Variants in PPEF2 observed in about 807,000 individuals in gnomAD.
The protein encoded by PPEF2 is serine/threonine-protein phosphatase with EF-hands 2.
In PPEF2, 84 loss-of-function variants were observed where a neutral mutation model predicts 84.7. That is an observed-to-expected ratio of 0.99 (90% confidence interval 0.83 to 1.19). The LOEUF (loss-of-function observed/expected upper bound fraction) is 1.19, where lower values mean the gene tolerates loss of function less well. PPEF2 is among the 50% of genes most tolerant of loss of function. The probability of loss-of-function intolerance (pLI) is 0.00; values close to 1 mark genes in which losing one functional copy is unlikely to be tolerated. For missense variants in PPEF2, 924 were observed against 937.5 expected, an observed-to-expected ratio of 0.99 and a Z score of 0.19; for synonymous variants, 346 against 345.2, an observed-to-expected ratio of 1.00 and a Z score of -0.03.
At chr4:75,889,599 T>C (rs1287444186) in intron 5 of PPEF2, among the ~76,000 whole-genome samples, 2 of 152,246 alleles carry the variant, frequency 1.3e-5, no homozygotes, top group Non-Finnish European at 2.9e-5. Context: ...TTATTTATTG[T>C]TCATTGTCTG....
intron 14 of PPEF2, 60 bp from the exon 15 acceptor site, chr4:75,866,412 G>T (rs1170499523): frequency 2.7e-5 from 43 of 1,579,420 alleles, no homozygotes; most frequent in Non-Finnish European, 3.7e-5. Context: ...CTGCCCAATG[G>T]TGTGTATATT....
intron 2 of PPEF2, among the ~76,000 whole-genome samples, chr4:75,892,663 A>AC (rs1363420250): frequency 6.6e-6 from 1 of 152,126 alleles, no homozygotes; most frequent in African/African-American, 2.4e-5. Context: ...GACAGCACTG[A>AC]CCATGCAGTC....
chr4:75,879,272 A>G (rs4288032), intron 10 of PPEF2, among the ~76,000 whole-genome samples: 17,681 of 152,198 alleles, frequency 0.12, 3,102 homozygotes, highest in African/African-American at 0.38. Context: ...AGGATTTTAT[A>G]TTAAGGTCTA....
At chr4:75,862,332 A>G (rs1724026058) in intron 16 of PPEF2, among the ~76,000 whole-genome samples, 1 of 150,268 alleles carries the variant, frequency 6.7e-6, no homozygotes, top group Admixed American at 6.6e-5. Flanking sequence ...ACTTTCGGGC[A>G]TCAAAGGACA....
Position 75,888,311 on chromosome 4 carries a change from G to C in PPEF2, c.435C>G (p.Tyr145Ter), listed in dbSNP as rs879136628. The C allele has an allele frequency of 1.2e-6, 2 of 1,613,490 alleles. No homozygotes were observed. Among genetic ancestry groups the C allele is most frequent in the Non-Finnish European group, 1.7e-6 (2 of 1,179,624 alleles). Residue 145 changes from tyrosine (Y) to a stop codon, truncating the protein, a stop_gained, in exon 6 of 17, where the codon TAC (tyrosine) becomes TAG (stop). Transcript: ENST00000286719. LOFTEE classifies it high-confidence loss of function. ...FRLKQQLHARYVLNLLYETKK... is the reference protein window; with the variant it reads ...FRLKQQLHAR ...TGGTTTCATACAAAAGGTTCAAGAC[G>C]TAGCGAGCATGGAGCTGCTACTGGG...
At chr4:75,869,454 C>G (rs1724214099) in intron 13 of PPEF2, among the ~76,000 whole-genome samples, 1 of 152,166 alleles carries the variant, frequency 6.6e-6, no homozygotes, top group Admixed American at 6.5e-5. Flanking sequence ...GGCCAGATAC[C>G]TATCTGGCTA....
intron 7 of PPEF2, among the ~76,000 whole-genome samples, chr4:75,886,106 G>A (rs2149224121): frequency 6.6e-6 from 1 of 152,298 alleles, no homozygotes; most frequent in East Asian, 1.9e-4. Flanking sequence ...CAACCCGCAG[G>A]TTCAGACATT....
chr4:75,901,428 G>A (rs1397979897), intron 1 of PPEF2, among the ~76,000 whole-genome samples: 1 of 151,948 alleles, frequency 6.6e-6, no homozygotes, highest in Non-Finnish European at 1.5e-5. Flanking sequence ...GGCTGAGGCA[G>A]GAGAATCGCT....
chr4:75,884,566 A>T (rs111856300), intron 8 of PPEF2, 28 bp downstream of exon 8: 22 of 1,537,620 alleles, frequency 1.4e-5, no homozygotes, highest in Middle Eastern at 4.6e-4. Flanking sequence ...AACAAACATC[A>T]AATACTCAAG....
chr4:75,862,264 G>T (rs986613767), intron 16 of PPEF2, among the ~76,000 whole-genome samples: 6 of 134,088 alleles, frequency 4.5e-5, no homozygotes, highest in African/African-American at 1.7e-4. Context: ...CTGCACTCCA[G>T]CCTAGGTGAC....
chr4:75,891,313 G>T (rs944928832), intron 4 of PPEF2, among the ~76,000 whole-genome samples: 1 of 152,166 alleles, frequency 6.6e-6, no homozygotes, highest in Non-Finnish European at 1.5e-5. Context: ...CCTGCAGGGG[G>T]TATAATTCTG....
intron 10 of PPEF2, chr4:75,881,487 C>T (rs11724044): frequency 0.49 from 75,146 of 152,096 alleles, 20,617 homozygotes; most frequent in East Asian, 0.98. Flanking sequence ...GGAGGATTGC[C>T]TCAGCCCAGG....
intron 4 of PPEF2, 112 bp downstream of exon 4, chr4:75,891,536 A>C: frequency 8.1e-7 from 1 of 1,238,808 alleles, no homozygotes; most frequent in South Asian, 1.7e-5. Context: ...CCCCTTGCTT[A>C]TTCCCTGGCT....
At chr4:75,861,699 T>G (rs1047709882) in intron 16 of PPEF2, among the ~76,000 whole-genome samples, 5 of 137,638 alleles carry the variant, frequency 3.6e-5, no homozygotes, top group Non-Finnish European at 7.8e-5. Context: ...AAGCTCTGCC[T>G]CCTGGGTTCA....
At chr4:75,867,515 T>C (rs1415687678) in intron 13 of PPEF2, 96 bp from the exon 14 acceptor site, 1 of 918,446 alleles carries the variant, frequency 1.1e-6, no homozygotes. Context: ...TCTTAACATA[T>C]CAGTCTCCCA....
At chr4:75,895,864 CAACTCCTGGCCTATTGTTTTAA>C (rs1188055651) in intron 2 of PPEF2, among the ~76,000 whole-genome samples, 1 of 151,552 alleles carries the variant, frequency 6.6e-6, no homozygotes, top group Non-Finnish European at 1.5e-5. Flanking sequence ...GTGTGACCCA[CAACTCCTGGCCTATTGTTTTAA>C]AAAAAAAATT....
intron 2 of PPEF2, 25 bp from the exon 3 acceptor site, chr4:75,892,003 C>A: frequency 6.2e-7 from 1 of 1,606,892 alleles, no homozygotes; most frequent in Non-Finnish European, 8.5e-7. Context: ...GAGAAGCAAG[C>A]CTGTGAGCTC....
At chr4:75,901,195 G>A (rs752855054) in intron 1 of PPEF2, among the ~76,000 whole-genome samples, 11 of 152,082 alleles carry the variant, frequency 7.2e-5, no homozygotes, top group Non-Finnish European at 1.3e-4. Flanking sequence ...AGTCATCTAC[G>A]GACAAGCAGA....
intron 2 of PPEF2, among the ~76,000 whole-genome samples, chr4:75,895,988 T>C (rs1010242529): frequency 2.6e-5 from 4 of 152,176 alleles, no homozygotes; most frequent in Admixed American, 2.6e-4. Context: ...ATGTGTTTCA[T>C]CCCCTCTTTG....
Sources: allele counts gnomAD v4.1 joint callset (sites outside exome capture counted in the v4.1 genomes callset), GRCh38; gene constraint gnomAD v4.1.1; transcripts MANE v1.5; gene names NCBI Gene and HGNC (gene_info 2026-07-23, HGNC 2026-07-21).